The following RASSF8 variants were observed in gnomAD, a reference collection of about 807,000 sequenced individuals.
RASSF8 encodes Ras association domain family member 8.
Under a neutral mutation model 48.5 loss-of-function variants are expected in RASSF8, and 22 were observed. The ratio of observed to expected loss-of-function variants is 0.45; its 90% CI spans 0.32 to 0.65. The LOEUF is 0.65. Among genes scored for constraint, RASSF8 ranks in the 30% least tolerant of loss-of-function variants. RASSF8 has a pLI of 0.03. For missense variants in RASSF8, 418 were observed against 489.2 expected (o/e 0.85, Z 1.37); for synonymous variants, 127 against 171.5 (o/e 0.74, Z 2.03).
intron 2 of RASSF8, among the ~76,000 whole-genome samples, chr12:26,039,237 C>T (rs1321652684): frequency 6.6e-6 from 1 of 152,166 alleles, no homozygotes; most frequent in African/African-American, 2.4e-5. Flanking sequence ...CGACAGTCTT[C>T]ATTCTGTTTT....
intron 2 of RASSF8, among the ~76,000 whole-genome samples, chr12:25,999,653 G>GGATTA (rs1942210155): frequency 6.6e-6 from 1 of 152,132 alleles, no homozygotes; most frequent in Non-Finnish European, 1.5e-5. Context: ...ACACCACTGT[G>GGATTA]CTCCACCCTG....
chr12:26,075,166 T>C (rs963816316), downstream of RASSF8, among the ~76,000 whole-genome samples: 3 of 152,066 alleles, frequency 2.0e-5, no homozygotes, highest in African/African-American at 7.3e-5. Flanking sequence ...AAACAAGTTA[T>C]AGATATTCTA....
At chr12:26,001,410 A>G in intron 2 of RASSF8, among the ~76,000 whole-genome samples, 2 of 152,022 alleles carry the variant, frequency 1.3e-5, no homozygotes, top group East Asian at 3.8e-4. Context: ...TTAGCTTACT[A>G]TATAACTTTT....
In RASSF8 at chr12:26,072,412, A is replaced by G. The variant is rs1944017939; in HGVS notation, c.*3594A>G. ...ACAGTGACTGCCTGAAAGCTGCAGGAGCTCTTTTCAATGCATTTTATATAT... is the reference window on the plus strand; with the variant it reads ...ACAGTGACTGCCTGAAAGCTGCAGGGGCTCTTTTCAATGCATTTTATATAT... On this transcript the variant is annotated 3_prime_UTR_variant, in exon 6 of 6. Transcript: ENST00000689635. 3.1e-6 allele frequency: 3 copies of G among 981,114 alleles called. No individual in the cohort carries two copies. Among genetic ancestry groups the G allele is most frequent in the Non-Finnish European group, 3.6e-6 (3 of 826,146 alleles). 60.8% of individuals were successfully genotyped at this position (981,114 alleles called of 1,614,324 possible). A position where few individuals can be genotyped will look rare whatever the true frequency, so the allele number is the denominator to read the frequency against.
At chr12:26,006,201 C>T (rs1013672604) in intron 2 of RASSF8, among the ~76,000 whole-genome samples, 14 of 152,176 alleles carry the variant, frequency 9.2e-5, no homozygotes, top group Non-Finnish European at 2.1e-4. Flanking sequence ...TTTCTTCTTC[C>T]CTTCCCTTCA....
Position 26,009,337 on chromosome 12 carries a change from T to C in RASSF8, c.-109+14207T>C, listed in dbSNP as rs150531664. ...GCACAGACCTTATTTCTAAGTAGTG[T>C]TTCTAGGCAGGAGTGATTCTGCCAT... is the stretch of plus-strand genomic sequence containing the variant. On this transcript the variant is annotated intron_variant, in intron 2 of 5. Transcript: ENST00000689635. 3.3e-5 allele frequency among the ~76,000 whole-genome samples: 5 copies of C among 152,334 alleles called. No individual in the cohort carries two copies. In the East Asian group the frequency reaches 9.6e-4, roughly 29 times the overall value.
chr12:25,976,062 TC>T (rs1941596920), intron 1 of RASSF8, among the ~76,000 whole-genome samples: 1 of 152,094 alleles, frequency 6.6e-6, no homozygotes, highest in Non-Finnish European at 1.5e-5. Flanking sequence ...TATGAACAGG[TC>T]TCCTGGTCTC....
chr12:26,041,552 T>C lies in RASSF8; in HGVS notation c.-108-13684T>C, dbSNP rs1943265219. Among the ~76,000 whole-genome samples the C allele has an allele frequency of 2.6e-5, 4 of 152,104 alleles. No homozygotes were observed. In the South Asian group the frequency reaches 8.3e-4, roughly 32 times the overall value. On this transcript the variant is annotated intron_variant, in intron 2 of 5. Transcript: ENST00000689635. ...GGAATTGTAAAGAAGTGGGGAAAAC[T>C]CTGATTTCTAGCTTAAGTGATACCT... is the stretch of plus-strand genomic sequence containing the variant.
chr12:26,065,370 G>A lies in RASSF8; in HGVS notation c.976G>A (p.Ala326Thr), dbSNP rs1303132121. 2 of 1,611,112 alleles carry A rather than the reference G, an allele frequency of 1.2e-6. No individual in the cohort carries two copies. The highest frequency in any genetic ancestry group is 1.3e-5 in the African/African-American group (1 of 74,794). Residue 326 changes from alanine to threonine, a missense_variant, in exon 4 of 6, where the codon GCC (alanine) becomes ACC (threonine). Coordinates refer to ENST00000689635, the MANE Select transcript of RASSF8 (RefSeq NM_001394098.1). ...IKAVERSLGQATKRLQDKEQE... is the reference protein window; with the variant it reads ...IKAVERSLGQTTKRLQDKEQE... ...AGCTGTGGAAAGATCTCTTGGACAA[G>A]CCACCAAACGCTTACAGGTAGGGAC...
At chr12:25,976,391 G>A (rs1941605680) in intron 1 of RASSF8, among the ~76,000 whole-genome samples, 2 of 151,762 alleles carry the variant, frequency 1.3e-5, no homozygotes, top group Admixed American at 6.6e-5. Context: ...CCACACCAGC[G>A]GAGTCTTGGT....
At chr12:26,021,839 C>T (rs889756268) in intron 2 of RASSF8, among the ~76,000 whole-genome samples, 1 of 152,090 alleles carries the variant, frequency 6.6e-6, no homozygotes, top group Non-Finnish European at 1.5e-5. Flanking sequence ...AAAACCCTCC[C>T]CAAAGGAATT....
At chr12:25,994,933 C>A (rs1333845182) in intron 1 of RASSF8, 104 bp from the exon 2 acceptor site, 7 of 152,212 alleles carry the variant, frequency 4.6e-5, no homozygotes, top group Admixed American at 1.3e-4. Context: ...TGAAGCCATA[C>A]ACTTGTGTTT....
At chr12:25,988,863 A>G (rs1354173801) in intron 1 of RASSF8, among the ~76,000 whole-genome samples, 1 of 152,344 alleles carries the variant, frequency 6.6e-6, no homozygotes, top group East Asian at 1.9e-4. Context: ...GAGAATTCCT[A>G]TAGTATGTTT....
chr12:26,014,472 GAC>G (rs1331577341), intron 2 of RASSF8, among the ~76,000 whole-genome samples: 1 of 152,184 alleles, frequency 6.6e-6, no homozygotes. Flanking sequence ...AGGAAGAACA[GAC>G]ACACAGCATT....
intron 3 of RASSF8, among the ~76,000 whole-genome samples, chr12:26,060,591 T>A (rs58090953): frequency 6.6e-6 from 1 of 152,182 alleles, no homozygotes; most frequent in Non-Finnish European, 1.5e-5. Context: ...TTTTACAGGC[T>A]ATAAGATAAT....
intron 2 of RASSF8, among the ~76,000 whole-genome samples, chr12:26,034,486 G>A (rs184341561): frequency 4.0e-5 from 6 of 151,756 alleles, no homozygotes; most frequent in African/African-American, 1.5e-4. Flanking sequence ...CATCTGGGCC[G>A]CATGCAGCCC....
chr12:26,076,780 A>G (rs2137356729), downstream of RASSF8, among the ~76,000 whole-genome samples: 1 of 152,348 alleles, frequency 6.6e-6, no homozygotes, highest in East Asian at 1.9e-4. Context: ...GTATATACCC[A>G]GTAATGGGAT....
chr12:26,060,786 G>A (rs1943725651), intron 3 of RASSF8, among the ~76,000 whole-genome samples: 1 of 152,262 alleles, frequency 6.6e-6, no homozygotes, highest in South Asian at 2.1e-4. Flanking sequence ...AAAATTCAGT[G>A]CTGTTGGATA....
intron 3 of RASSF8, among the ~76,000 whole-genome samples, chr12:26,060,793 G>A (rs1298145757): frequency 6.6e-6 from 1 of 152,138 alleles, no homozygotes; most frequent in Non-Finnish European, 1.5e-5. Context: ...AGTGCTGTTG[G>A]ATAGCTTATC....
Sources: allele counts gnomAD v4.1 joint callset (sites outside exome capture counted in the v4.1 genomes callset), GRCh38; gene constraint gnomAD v4.1.1; transcripts MANE v1.5; gene names NCBI Gene and HGNC (gene_info 2026-07-23, HGNC 2026-07-21).